Variants in PDE4D observed in about 807,000 individuals in gnomAD.
PDE4D encodes phosphodiesterase 4D, also known as 3',5'-cyclic-AMP phosphodiesterase 4D.
Under a neutral mutation model 87.4 loss-of-function variants are expected in PDE4D, and 24 were observed. The observed-to-expected ratio is 0.27, with a 90% CI of 0.20 to 0.39. The LOEUF is 0.39. PDE4D is among the 10% of genes least tolerant of loss of function. The pLI, the probability that PDE4D is intolerant of heterozygous loss-of-function variation, is 1.00. For synonymous variants in PDE4D, 384 were observed against 383.2 expected, an observed-to-expected ratio of 1.00 and a Z score of -0.02; for missense variants, 714 against 1,041.0, an observed-to-expected ratio of 0.69 and a Z score of 4.32.
chr5:60,337,351 CTATATATATA>C (rs748923956), intron 1 of PDE4D, among the ~76,000 whole-genome samples: 30 of 62,258 alleles, frequency 4.8e-4, no homozygotes, highest in East Asian at 2.8e-3. Flanking sequence ...AACAAACAAA[CTATATATATA>C]TATATATATA....
At chr5:60,450,233 C>T (rs1745990644) in intron 1 of PDE4D, among the ~76,000 whole-genome samples, 1 of 151,916 alleles carries the variant, frequency 6.6e-6, no homozygotes, top group Non-Finnish European at 1.5e-5. Flanking sequence ...GATTCAACCC[C>T]ATATTTAGCT....
intron 1 of PDE4D, among the ~76,000 whole-genome samples, chr5:59,644,192 T>C (rs1433588787): frequency 6.6e-6 from 1 of 152,192 alleles, no homozygotes; most frequent in African/African-American, 2.4e-5. Context: ...AATCAGCAAA[T>C]TGTCAGTGGG....
intron 5 of PDE4D, among the ~76,000 whole-genome samples, chr5:59,124,037 C>G (rs1775001189): frequency 6.6e-6 from 1 of 152,152 alleles, no homozygotes; most frequent in Admixed American, 6.5e-5. Context: ...ACCTTAGAAA[C>G]TGTGGAAAAG....
chr5:60,440,400 A>T (rs1033200571), intron 1 of PDE4D, among the ~76,000 whole-genome samples: 1 of 152,146 alleles, frequency 6.6e-6, no homozygotes. Flanking sequence ...GCAACACAAG[A>T]TTTCTTCGTG....
intron 5 of PDE4D, among the ~76,000 whole-genome samples, chr5:59,178,514 G>C (rs1784241027): frequency 1.3e-5 from 2 of 152,040 alleles, no homozygotes; most frequent in Non-Finnish European, 2.9e-5. Flanking sequence ...ACATTTCTAG[G>C]AGCTTCTATG....
intron 1 of PDE4D, among the ~76,000 whole-genome samples, chr5:59,633,018 TA>T (rs1477299482): frequency 6.6e-6 from 1 of 152,078 alleles, no homozygotes; most frequent in Non-Finnish European, 1.5e-5. Flanking sequence ...CTAACTAGAA[TA>T]ACCAGTTTAG....
At chr5:59,267,695 T>C (rs1763075525) in intron 1 of PDE4D, among the ~76,000 whole-genome samples, 1 of 152,128 alleles carries the variant, frequency 6.6e-6, no homozygotes, top group Non-Finnish European at 1.5e-5. Flanking sequence ...GGTTAGAATT[T>C]AAGCAAAGAA....
rs980921816 is a variant in PDE4D, at chr5:59,823,816, C to T, written c.455+69352G>A. Among the ~76,000 whole-genome samples the T allele has an allele frequency of 2.0e-5, 3 of 149,126 alleles. No homozygotes were observed. The South Asian group carries it at 6.5e-4, about 33-fold the overall frequency. On this transcript the variant is annotated intron_variant, in intron 1 of 14. Coordinates refer to ENST00000340635, the MANE Select transcript of PDE4D (RefSeq NM_001104631.2). ...CCATTTTTTTTTTAAGATAACAAGCCATTCTTTGGGACCTTTGCTATTTTT... is the reference window on the plus strand; with the variant it reads ...CCATTTTTTTTTTAAGATAACAAGCTATTCTTTGGGACCTTTGCTATTTTT...
intron 3 of PDE4D, among the ~76,000 whole-genome samples, chr5:59,975,800 CTACTT>C (rs1370264029): frequency 6.6e-6 from 1 of 152,198 alleles, no homozygotes; most frequent in African/African-American, 2.4e-5. Flanking sequence ...TGCAGACACT[CTACTT>C]TAATCTCATC....
At chr5:59,617,343 T>A (rs1217722672) in intron 1 of PDE4D, among the ~76,000 whole-genome samples, 1 of 152,054 alleles carries the variant, frequency 6.6e-6, no homozygotes, top group Non-Finnish European at 1.5e-5. Context: ...GACTCTAAAA[T>A]AAGAGATTAA....
Position 59,661,074 on chromosome 5 carries a change from TTATA to T in PDE4D, c.455+232090_455+232093del, listed in dbSNP as rs3062479. Among the ~76,000 whole-genome samples the T allele has an allele frequency of 2.6e-3, 368 of 140,050 alleles. 1 individual carries two copies. The highest frequency in any genetic ancestry group is 8.7e-3 in the African/African-American group (320 of 36,950). The allele number at this position is 140,050 out of a possible 152,430, so 91.9% of individuals were successfully genotyped here. A position where few individuals can be genotyped will look rare whatever the true frequency, so the allele number is the denominator to read the frequency against. On this transcript the variant is annotated intron_variant, in intron 1 of 14. Transcript: ENST00000340635. ...CCAGCACTGCATTTTCATGATAATATTATATATATATATATATATATATTTTGTC... is the reference window on the plus strand; with the variant it reads ...CCAGCACTGCATTTTCATGATAATATTATATATATATATATATATTTTGTC...
intron 1 of PDE4D, among the ~76,000 whole-genome samples, chr5:59,699,832 T>C (rs2150444981): frequency 6.6e-6 from 1 of 152,330 alleles, no homozygotes; most frequent in African/African-American, 2.4e-5. Flanking sequence ...CAAGGTCAGA[T>C]TGATGCCAAT....
chr5:59,369,210 G>T (rs6884220), intron 1 of PDE4D, among the ~76,000 whole-genome samples: 3 of 152,152 alleles, frequency 2.0e-5, no homozygotes, highest in African/African-American at 7.2e-5. Flanking sequence ...ACATGAGGCA[G>T]ACAAGGACGG....
intron 3 of PDE4D, among the ~76,000 whole-genome samples, chr5:59,939,365 C>T (rs750993523): frequency 1.3e-5 from 2 of 152,126 alleles, no homozygotes; most frequent in Non-Finnish European, 2.9e-5. Context: ...ATCAGAGCAC[C>T]TACTGTGGGT....
intron 1 of PDE4D, among the ~76,000 whole-genome samples, chr5:59,746,026 AT>A (rs1451251724): frequency 6.6e-6 from 1 of 152,208 alleles, no homozygotes. Flanking sequence ...AAACCTATTT[AT>A]TTAAGAAAAG....
intron 1 of PDE4D, among the ~76,000 whole-genome samples, chr5:59,322,783 TA>T (rs939270437): frequency 6.6e-6 from 1 of 152,040 alleles, no homozygotes; most frequent in Non-Finnish European, 1.5e-5. Flanking sequence ...TTGGGAGTTG[TA>T]AACTGTGCCA....
rs191909368 is a variant in PDE4D at position 59,118,551 on chromosome 5, C to T, written c.808+62044G>A. On this transcript the variant is annotated intron_variant, in intron 5 of 14. Transcript: ENST00000340635. ...ATATTGATTACTCAAAAAAAATAGGCCTCATGGACTTTATGACACTGTTGC... is the reference window on the plus strand; with the variant it reads ...ATATTGATTACTCAAAAAAAATAGGTCTCATGGACTTTATGACACTGTTGC... Among the ~76,000 whole-genome samples, 243 of 152,282 alleles carry T rather than the reference C, an allele frequency of 1.6e-3. 1 individual carries two copies. Among genetic ancestry groups the T allele is most frequent in the Non-Finnish European group, 2.6e-3 (179 of 68,026 alleles).
intron 1 of PDE4D, among the ~76,000 whole-genome samples, chr5:60,382,597 T>C (rs1761940028): frequency 6.6e-6 from 1 of 152,188 alleles, no homozygotes; most frequent in African/African-American, 2.4e-5. Context: ...CTTTAAATAA[T>C]GTTGCTGTCA....
intron 5 of PDE4D, 152 bp from the exon 6 acceptor site, chr5:59,039,123 A>G: frequency 7.3e-7 from 1 of 1,375,606 alleles, no homozygotes; most frequent in East Asian, 3.0e-5. Context: ...CCAGCCCGGC[A>G]GTGCAACGGG....
Sources: allele counts gnomAD v4.1 joint callset (sites outside exome capture counted in the v4.1 genomes callset), GRCh38; gene constraint gnomAD v4.1.1; transcripts MANE v1.5; gene names NCBI Gene and HGNC (gene_info 2026-07-23, HGNC 2026-07-21).